The following PCDHGB2 variants were observed in gnomAD, a reference collection of about 807,000 sequenced individuals.
PCDHGB2 encodes protocadherin gamma-B2.
PCDHGB2 carries 55 observed loss-of-function variants against 59.3 expected under a neutral mutation model. The ratio of observed to expected loss-of-function variants is 0.93; its 90% CI spans 0.75 to 1.16. PCDHGB2 has a LOEUF of 1.16. Among genes scored for constraint, PCDHGB2 ranks in the 50% most tolerant of loss-of-function variants. The pLI, the probability that PCDHGB2 is intolerant of heterozygous loss-of-function variation, is 0.00. For synonymous variants in PCDHGB2, 516 were observed against 512.0 expected (o/e 1.01, Z -0.11); for missense variants, 1,228 against 1,198.5 (o/e 1.02, Z -0.36).
chr5:141,374,683 G>A (rs757439486), intron 1 of PCDHGB2: 3 of 1,609,586 alleles, frequency 1.9e-6, no homozygotes, highest in South Asian at 2.2e-5. Flanking sequence ...AGGGCACACT[G>A]GACCGGGAAG....
At chr5:141,492,402 C>A (rs1254310448) in intron 1 of PCDHGB2, among the ~76,000 whole-genome samples, 1 of 152,232 alleles carries the variant, frequency 6.6e-6, no homozygotes, top group African/African-American at 2.4e-5. Flanking sequence ...TCGCAGCTCC[C>A]CTCTGCCGCT....
At chr5:141,400,638 T>A in intron 1 of PCDHGB2, 1 of 1,325,472 alleles carries the variant, frequency 7.5e-7, no homozygotes, top group Non-Finnish European at 1.1e-6. Flanking sequence ...TCAGAGCTGC[T>A]CAGAAAGCTG....
intron 1 of PCDHGB2, among the ~76,000 whole-genome samples, chr5:141,433,995 CT>C (rs2097669147): frequency 2.6e-5 from 4 of 152,028 alleles, no homozygotes; most frequent in Admixed American, 2.0e-4. Flanking sequence ...GTTTTATATT[CT>C]CTATATATGT....
rs369637121 is a variant in PCDHGB2 at position 141,388,619 on chromosome 5, C to G, written c.2421+26063C>G. ...ATAATGCTCCAGTGTTCAGTCAAGA[C>G]GTATACAGGGTGAGCCTTTCAGAAA... On this transcript the variant is annotated intron_variant, in intron 1 of 3. Transcript: ENST00000522605. 18 of 1,613,852 alleles carry G rather than the reference C, an allele frequency of 1.1e-5. No individual in the cohort carries two copies. The African/African-American group carries it at 1.7e-4, about 16-fold the overall frequency.
intron 1 of PCDHGB2, among the ~76,000 whole-genome samples, chr5:141,457,698 G>C (rs1008393847): frequency 7.9e-5 from 12 of 152,234 alleles, no homozygotes; most frequent in Admixed American, 5.2e-4. Flanking sequence ...GATTGGCTTT[G>C]ATGAAACACT....
chr5:141,364,546 G>C (rs149041036), intron 1 of PCDHGB2: 36,067 of 1,614,110 alleles, frequency 0.022, 502 homozygotes, highest in Non-Finnish European at 0.025. Flanking sequence ...GAGGTAGGAC[G>C]CAGCTTTTTG....
intron 1 of PCDHGB2, among the ~76,000 whole-genome samples, chr5:141,448,975 T>C (rs888432093): frequency 6.6e-6 from 1 of 151,970 alleles, no homozygotes; most frequent in African/African-American, 2.4e-5. Flanking sequence ...AAAAAAGAAC[T>C]TCCATATTAA....
chr5:141,383,109 T>A, intron 1 of PCDHGB2: 1 of 1,613,908 alleles, frequency 6.2e-7, no homozygotes, highest in Non-Finnish European at 8.5e-7. Context: ...TCTCCAGAGG[T>A]AGGACGCAGC....
intron 1 of PCDHGB2, among the ~76,000 whole-genome samples, chr5:141,467,571 A>T (rs1228156610): frequency 6.6e-6 from 1 of 152,212 alleles, no homozygotes; most frequent in African/African-American, 2.4e-5. Context: ...ATGGCTATCC[A>T]GTTGTCCCAA....
Position 141,362,628 on chromosome 5 carries a change from C to A in PCDHGB2, c.2421+72C>A, listed in dbSNP as rs1366089431. ...CTAATTTGGGTAGGAAGTTCCACTG[C>A]GTATTTCTTTGTCTGTGAGTTAGAT... On this transcript the variant is annotated intron_variant, in intron 1 of 3. Transcript: ENST00000522605. 5 of 1,498,628 alleles carry A rather than the reference C, an allele frequency of 3.3e-6. No homozygotes were observed. In the East Asian group the frequency reaches 1.2e-4, roughly 35 times the overall value. 92.8% of individuals were successfully genotyped at this position (1,498,628 alleles called of 1,614,324 possible).
At chr5:141,502,767 C>T (rs970206343) in intron 2 of PCDHGB2, among the ~76,000 whole-genome samples, 1 of 151,756 alleles carries the variant, frequency 6.6e-6, no homozygotes, top group East Asian at 1.9e-4. Flanking sequence ...TGCTGGTATT[C>T]TTCTGAAAAT....
At chr5:141,481,216 G>T (rs2099534005) in intron 1 of PCDHGB2, among the ~76,000 whole-genome samples, 3 of 152,110 alleles carry the variant, frequency 2.0e-5, no homozygotes, top group Admixed American at 6.5e-5. Flanking sequence ...ACATGGTAAG[G>T]TCTCCCAGCC....
In PCDHGB2 at chr5:141,486,546, G is replaced by A. The variant is rs1156517969; in HGVS notation, c.2422-8261G>A. Reference sequence around the variant, plus strand: ...GATAATCCACCCTCTTTCTTTCAGAGGTCACATGAGGTGTTTGTTCCTGAG... The same window carrying A: ...GATAATCCACCCTCTTTCTTTCAGAAGTCACATGAGGTGTTTGTTCCTGAG... On this transcript the variant is annotated intron_variant, in intron 1 of 3. Coordinates refer to ENST00000522605, the MANE Select transcript of PCDHGB2 (RefSeq NM_018923.3). The surrounding 1 kb of genome is among the most constrained non-coding windows in gnomAD (Gnocchi z 5.0). 3 of 1,614,084 alleles carry A rather than the reference G, an allele frequency of 1.9e-6. No homozygotes were observed. The East Asian group carries it at 6.7e-5, about 36-fold the overall frequency.
intron 1 of PCDHGB2, chr5:141,413,324 G>A: frequency 6.2e-7 from 1 of 1,613,968 alleles, no homozygotes; most frequent in South Asian, 1.1e-5. Context: ...TCTTTCGTGG[G>A]CAACATCTCC....
intron 1 of PCDHGB2, chr5:141,419,497 G>A (rs1357823931): frequency 6.2e-7 from 1 of 1,612,390 alleles, no homozygotes; most frequent in South Asian, 1.1e-5. Context: ...GCGCCAATGT[G>A]AGCCTGCGCG....
chr5:141,502,246 T>A (rs1449536622), intron 2 of PCDHGB2, among the ~76,000 whole-genome samples: 1 of 152,206 alleles, frequency 6.6e-6, no homozygotes, highest in African/African-American at 2.4e-5. Flanking sequence ...TTTATCCTTT[T>A]TTTTAATCCA....
intron 1 of PCDHGB2, among the ~76,000 whole-genome samples, chr5:141,462,086 A>G (rs993185274): frequency 6.6e-6 from 1 of 151,408 alleles, no homozygotes; most frequent in Non-Finnish European, 1.5e-5. Flanking sequence ...GCCTCCCAAA[A>G]TGCTGGGATT....
intron 1 of PCDHGB2, among the ~76,000 whole-genome samples, chr5:141,474,357 T>G (rs185194067): frequency 2.0e-4 from 30 of 152,302 alleles, no homozygotes; most frequent in African/African-American, 6.5e-4. Context: ...AAGTCATGTC[T>G]CAGTAGGTCT....
intron 1 of PCDHGB2, chr5:141,372,854 C>T: frequency 6.9e-7 from 1 of 1,458,390 alleles, no homozygotes; most frequent in Non-Finnish European, 9.2e-7. Flanking sequence ...AATTGGGTTT[C>T]AATTCATTGA....
Sources: gnomAD v4.1 joint callset for allele counts (sites outside exome capture counted in the v4.1 genomes callset) on GRCh38, gnomAD v4.1.1 for gene constraint, Gnocchi (gnomAD v3.1) non-coding constraint, MANE v1.5 for transcripts, NCBI Gene and HGNC (gene_info 2026-07-23, HGNC 2026-07-21) for gene names.